Variants in LEF1 observed in about 807,000 individuals in gnomAD.
The protein encoded by LEF1 is lymphoid enhancer binding factor 1.
Under a neutral mutation model 51.2 loss-of-function variants are expected in LEF1, and 14 were observed. The observed-to-expected ratio is 0.27, with a 90% CI of 0.18 to 0.43. The LOEUF (loss-of-function observed/expected upper bound fraction) is 0.43, where lower values mean the gene tolerates loss of function less well. Among genes scored for constraint, LEF1 ranks in the 20% least tolerant of loss-of-function variants. The pLI is 1.00. For missense variants in LEF1, 386 were observed against 512.0 expected (o/e 0.75, Z 2.37); for synonymous variants, 185 against 183.2 (o/e 1.01, Z -0.08).
chr4:108,098,221 T>A (rs1176579725), intron 3 of LEF1, among the ~76,000 whole-genome samples: 2 of 152,066 alleles, frequency 1.3e-5, no homozygotes, highest in African/African-American at 4.8e-5. Flanking sequence ...ACCTCTCTAT[T>A]ATGCAGTTTA....
At chr4:108,063,776 T>A in intron 10 of LEF1, 113 bp from the exon 11 acceptor site, 2 of 715,918 alleles carry the variant, frequency 2.8e-6, no homozygotes, top group Non-Finnish European at 4.7e-6. Context: ...TCATGGTTCT[T>A]ATACCAGCCA....
chr4:108,130,729 C>CAAA (rs567555795), intron 3 of LEF1, among the ~76,000 whole-genome samples: 1 of 99,072 alleles, frequency 1.0e-5, no homozygotes, highest in Non-Finnish European at 2.1e-5. Flanking sequence ...GACTCCGACT[C>CAAA]AAAAAAAAAA....
chr4:108,112,202 C>T (rs933129938), intron 3 of LEF1, among the ~76,000 whole-genome samples: 9 of 152,148 alleles, frequency 5.9e-5, no homozygotes, highest in Non-Finnish European at 1.3e-4. Flanking sequence ...TCTCTGGAAC[C>T]CTGTCCTATG....
rs1323379257 is a variant in LEF1 at position 108,167,901 on chromosome 4, G to C, written c.-134C>G. On this transcript the variant is annotated 5_prime_UTR_variant, in exon 1 of 12. Transcript: ENST00000265165. The surrounding 1 kb of genome is among the most constrained non-coding windows in gnomAD (Gnocchi z 5.7). ...GTGCAGCAGGACAGCGGGCGGAAGCGGGGCGGGCGAGCGCGGGGCCGCCGG... is the reference window on the plus strand; with the variant it reads ...GTGCAGCAGGACAGCGGGCGGAAGCCGGGCGGGCGAGCGCGGGGCCGCCGG... The C allele has an allele frequency of 8.0e-6, 5 of 621,890 alleles. No homozygotes were observed. Among genetic ancestry groups the C allele is most frequent in the African/African-American group, 1.9e-5 (1 of 52,832 alleles). The allele number at this position is 621,890 out of a possible 1,614,324, so 38.5% of individuals were successfully genotyped here.
intron 3 of LEF1, among the ~76,000 whole-genome samples, chr4:108,136,017 G>T (rs946264993): frequency 3.3e-5 from 5 of 152,128 alleles, no homozygotes; most frequent in African/African-American, 1.2e-4. Context: ...GCAAAAACTG[G>T]TCTCAGCTGC....
chr4:108,080,967 C>A (rs539193466), intron 6 of LEF1, among the ~76,000 whole-genome samples: 25 of 152,206 alleles, frequency 1.6e-4, no homozygotes, highest in Admixed American at 3.9e-4. Context: ...AAGCATCACA[C>A]ACAGCAGCTT....
rs868811807 is a variant in LEF1 at position 108,167,982 on chromosome 4, C to T, written c.-215G>A. On this transcript the variant is annotated 5_prime_UTR_variant, in exon 1 of 12. Transcript: ENST00000265165. The surrounding 1 kb of genome is among the most constrained non-coding windows in gnomAD (Gnocchi z 5.7). ...GAATCCCGGCGGCCGCCGCGCTTTC[C>T]CGCTTCGCGGAGACCGACGCAGGCG... 3.8e-5 allele frequency: 9 copies of T among 234,752 alleles called. No homozygotes were observed. Among genetic ancestry groups the T allele is most frequent in the African/African-American group, 1.8e-4 (8 of 43,486 alleles). The allele number at this position is 234,752 out of a possible 1,614,324, so 14.5% of individuals were successfully genotyped here.
At chr4:108,164,596 A>T (rs1745266332) in intron 2 of LEF1, among the ~76,000 whole-genome samples, 1 of 152,296 alleles carries the variant, frequency 6.6e-6, no homozygotes, top group Non-Finnish European at 1.5e-5. Flanking sequence ...TGATATGCAC[A>T]TTCCTAATTA....
Position 108,048,685 on chromosome 4 carries a change from A to T in LEF1, c.*73T>A. ...CAGTCTGGGTTTTCAACAAGCTTCCATCTCCAGAAGAGGTCCTGGGGTCGC... is the reference window on the plus strand; with the variant it reads ...CAGTCTGGGTTTTCAACAAGCTTCCTTCTCCAGAAGAGGTCCTGGGGTCGC... On this transcript the variant is annotated 3_prime_UTR_variant, in exon 12 of 12. Coordinates refer to ENST00000265165, the MANE Select transcript of LEF1 (RefSeq NM_016269.5). The T allele has an allele frequency of 6.2e-7, 1 of 1,604,804 alleles. No homozygotes were observed. Among genetic ancestry groups the T allele is most frequent in the Non-Finnish European group, 8.5e-7 (1 of 1,175,180 alleles).
At chr4:108,055,260 C>T in intron 11 of LEF1, among the ~76,000 whole-genome samples, 1 of 152,032 alleles carries the variant, frequency 6.6e-6, no homozygotes, top group East Asian at 1.9e-4. Flanking sequence ...CAAAGGAAGC[C>T]ACAAAAGAAT....
Position 108,165,115 on chromosome 4 carries a change from T to C in LEF1, c.262A>G (p.Arg88Gly), listed in dbSNP as rs1745303309. 1.9e-6 allele frequency: 3 copies of C among 1,614,060 alleles called. No homozygotes were observed. In the African/African-American group the frequency reaches 4.0e-5, roughly 22 times the overall value. ...GTCTTACCGTCATCGGGGTGTTCTC[T>C]GGCCTTGTCGTGGTAGGGCTCCTGA... Reference protein sequence around the residue: ...TSQEPYHDKAREHPDDGKHPD... With the variant: ...TSQEPYHDKAGEHPDDGKHPD... Residue 88 changes from arginine (R) to glycine (G), a missense_variant, in exon 2 of 12, where the codon AGA becomes GGA. Physicochemically the swap from Arg to Gly is moderately radical, Grantham distance 125 (BLOSUM62 -2). Coordinates refer to ENST00000265165, the MANE Select transcript of LEF1 (RefSeq NM_016269.5).
At chr4:108,166,249 A>T (rs1401345261) in intron 1 of LEF1, 1 of 1,535,534 alleles carries the variant, frequency 6.5e-7, no homozygotes, top group Non-Finnish European at 8.7e-7. Flanking sequence ...GCAGGCCCCC[A>T]GCCTTTCAAA....
At chr4:108,112,249 G>A (rs1346384901) in intron 3 of LEF1, among the ~76,000 whole-genome samples, 1 of 152,214 alleles carries the variant, frequency 6.6e-6, no homozygotes, top group African/African-American at 2.4e-5. Context: ...GATGAAGGCT[G>A]TGAGGTCTCT....
chr4:108,156,542 A>G (rs1744710730), intron 3 of LEF1, among the ~76,000 whole-genome samples: 1 of 152,104 alleles, frequency 6.6e-6, no homozygotes, highest in Non-Finnish European at 1.5e-5. Flanking sequence ...TTCTTTATTA[A>G]CTCAGCACAT....
intron 3 of LEF1, among the ~76,000 whole-genome samples, chr4:108,141,919 A>T (rs969555397): frequency 6.6e-6 from 1 of 152,164 alleles, no homozygotes. Context: ...ATTTGCTTTT[A>T]ATTTAAAGCA....
intron 8 of LEF1, among the ~76,000 whole-genome samples, chr4:108,076,623 C>G (rs1269501244): frequency 2.0e-5 from 3 of 152,164 alleles, no homozygotes; most frequent in Non-Finnish European, 4.4e-5. Context: ...GGTGATCTGC[C>G]TGCCTCGGCC....
At chr4:108,077,682 G>A (rs6829619) in intron 8 of LEF1, among the ~76,000 whole-genome samples, 19 of 98,860 alleles carry the variant, frequency 1.9e-4, no homozygotes, top group Admixed American at 3.1e-4. Context: ...GCGCTTCTGC[G>A]CAGCTGCCGC....
intron 3 of LEF1, among the ~76,000 whole-genome samples, chr4:108,134,712 T>C (rs1743142983): frequency 1.3e-5 from 2 of 152,254 alleles, no homozygotes; most frequent in Admixed American, 6.5e-5. Context: ...CACTCTGCTC[T>C]ATGAAGTAGG....
intron 4 of LEF1, among the ~76,000 whole-genome samples, chr4:108,084,145 AC>A: frequency 6.6e-6 from 1 of 152,300 alleles, no homozygotes; most frequent in Non-Finnish European, 1.5e-5. Flanking sequence ...TGTGAAAACC[AC>A]CTAAAGATTA....
Sources: allele counts gnomAD v4.1 joint callset (sites outside exome capture counted in the v4.1 genomes callset), GRCh38; gene constraint gnomAD v4.1.1; non-coding constraint Gnocchi (gnomAD v3.1); transcripts MANE v1.5; gene names NCBI Gene and HGNC (gene_info 2026-07-23, HGNC 2026-07-21).